The following DAG1 variants were observed in gnomAD, a reference collection of about 807,000 sequenced individuals.
The protein encoded by DAG1 is dystroglycan 1, also known as dystroglycan 1 (dystrophin-associated glycoprotein 1).
Under a neutral mutation model 46.1 loss-of-function variants are expected in DAG1, and 8 were observed. That is an observed-to-expected ratio of 0.17 (90% CI 0.10 to 0.31). The LOEUF (loss-of-function observed/expected upper bound fraction) is 0.31, where lower values mean the gene tolerates loss of function less well. Ranked by LOEUF, DAG1 falls within the 10% of genes least tolerant of loss-of-function variation. The probability of loss-of-function intolerance (pLI) is 1.00; values close to 1 mark genes in which losing one functional copy is unlikely to be tolerated. For missense variants in DAG1, 1,003 were observed against 1,189.9 expected (o/e 0.84, Z 2.31); for synonymous variants, 495 against 481.8 (o/e 1.03, Z -0.36).
intron 1 of DAG1, chr3:49,487,110 C>T (rs1407501184): frequency 6.6e-6 from 1 of 152,214 alleles, no homozygotes; most frequent in Non-Finnish European, 1.5e-5. Context: ...TGATCTCGAA[C>T]TCCTGGATTG....
chr3:49,498,823 C>T (rs1461376148), intron 1 of DAG1, among the ~76,000 whole-genome samples: 2 of 151,956 alleles, frequency 1.3e-5, no homozygotes, highest in Non-Finnish European at 2.9e-5. Flanking sequence ...GTTCATTCAC[C>T]TCAGCCTCCC....
chr3:49,525,725 A>T (rs1341089671), intron 2 of DAG1, among the ~76,000 whole-genome samples: 1 of 150,396 alleles, frequency 6.6e-6, no homozygotes, highest in African/African-American at 2.5e-5. Context: ...CGCCCCGCTA[A>T]TTTTTTTTAT....
chr3:49,496,027 G>A (rs2050301725), intron 1 of DAG1, among the ~76,000 whole-genome samples: 1 of 152,054 alleles, frequency 6.6e-6, no homozygotes, highest in South Asian at 2.1e-4. Context: ...TGTCTTCAGT[G>A]TCTTACCTGG....
intron 1 of DAG1, among the ~76,000 whole-genome samples, chr3:49,482,627 C>T (rs533537609): frequency 2.0e-5 from 3 of 152,212 alleles, no homozygotes; most frequent in South Asian, 2.1e-4. Context: ...TTAATTATGA[C>T]GTAGATTCTA....
intron 1 of DAG1, chr3:49,493,087 C>T (rs1189819816): frequency 6.9e-6 from 1 of 145,492 alleles, no homozygotes; most frequent in Non-Finnish European, 1.5e-5. Context: ...CTCAGTCACC[C>T]AGGCGGGAGT....
At chr3:49,495,458 T>G (rs1209600505) in intron 1 of DAG1, among the ~76,000 whole-genome samples, 1 of 152,210 alleles carries the variant, frequency 6.6e-6, no homozygotes, top group Non-Finnish European at 1.5e-5. Flanking sequence ...TGTTAATTGT[T>G]GGGCTGTCTT....
chr3:49,530,348 C>T (rs1438708919), intron 2 of DAG1, among the ~76,000 whole-genome samples: 1 of 152,114 alleles, frequency 6.6e-6, no homozygotes, highest in Non-Finnish European at 1.5e-5. Flanking sequence ...GTGACCTGAG[C>T]AAAGATGTGG....
At chr3:49,528,275 ATTTTTTTTTTTTTTTT>A (rs147292984) in intron 2 of DAG1, among the ~76,000 whole-genome samples, 7 of 66,632 alleles carry the variant, frequency 1.1e-4, no homozygotes, top group African/African-American at 4.8e-4. Flanking sequence ...AAATAGTGTG[ATTTTTTTTTTTTTTTT>A]TTTTTTTTTT....
chr3:49,533,285 C>G lies in DAG1; in HGVS notation c.*86C>G, dbSNP rs2051421040. ...CTGTGGAGACCGGTGGCCTGCAGAC[C>G]ATTGCCCACCGGGAGCCGACACCTG... On this transcript the variant is annotated 3_prime_UTR_variant, in exon 3 of 3. Coordinates refer to ENST00000308775, the MANE Select transcript of DAG1 (RefSeq NM_004393.6). 2 of 1,569,262 alleles carry G rather than the reference C, an allele frequency of 1.3e-6. No homozygotes were observed. The highest frequency in any genetic ancestry group is 1.8e-5 in the Admixed American group (1 of 56,340).
At chr3:49,474,916 A>G (rs1236215565) in intron 1 of DAG1, among the ~76,000 whole-genome samples, 1 of 149,958 alleles carries the variant, frequency 6.7e-6, no homozygotes, top group Admixed American at 6.7e-5. Flanking sequence ...GGTTCATGCC[A>G]TTCTCCTGTC....
At chr3:49,500,396 G>A (rs1559558510) in intron 1 of DAG1, among the ~76,000 whole-genome samples, 1 of 152,130 alleles carries the variant, frequency 6.6e-6, no homozygotes, top group Non-Finnish European at 1.5e-5. Context: ...TGGCAGATGC[G>A]AGCCACTTAC....
At chr3:49,490,081 C>T (rs958417353) in intron 1 of DAG1, among the ~76,000 whole-genome samples, 2 of 152,128 alleles carry the variant, frequency 1.3e-5, no homozygotes, top group African/African-American at 2.4e-5. Flanking sequence ...TGGCTGGGCG[C>T]GGTGGCTTAC....
At chr3:49,477,396 A>G (rs2049711682) in intron 1 of DAG1, among the ~76,000 whole-genome samples, 1 of 152,116 alleles carries the variant, frequency 6.6e-6, no homozygotes, top group Non-Finnish European at 1.5e-5. Flanking sequence ...GGCTCAAGCC[A>G]TCCTCCCACC....
chr3:49,491,948 A>G (rs1210572945), intron 1 of DAG1, among the ~76,000 whole-genome samples: 1 of 142,456 alleles, frequency 7.0e-6, no homozygotes, highest in Non-Finnish European at 1.5e-5. Flanking sequence ...TTTTTTTGAG[A>G]CGGAGTCTCA....
intron 1 of DAG1, among the ~76,000 whole-genome samples, chr3:49,471,422 T>C (rs2049515815): frequency 1.3e-5 from 2 of 152,234 alleles, no homozygotes; most frequent in African/African-American, 4.8e-5. Context: ...CTTAGTTAAG[T>C]TCAGAGACAT....
intron 1 of DAG1, among the ~76,000 whole-genome samples, chr3:49,478,422 C>T (rs2049750739): frequency 1.8e-5 from 2 of 113,804 alleles, no homozygotes; most frequent in African/African-American, 3.2e-5. Context: ...AAGAGAGACC[C>T]TGTCTCTACA....
At chr3:49,479,335 A>T (rs888396395) in intron 1 of DAG1, among the ~76,000 whole-genome samples, 3 of 147,592 alleles carry the variant, frequency 2.0e-5, no homozygotes, top group Non-Finnish European at 4.5e-5. Context: ...TTTGAGACAG[A>T]GTCTCTCTCT....
In DAG1 at chr3:49,531,551, T is replaced by C. The variant is rs1008980041; in HGVS notation, c.1040T>C (p.Ile347Thr). Reference protein sequence around the residue: ...RIVPTPTSPAIAPPTETMAPP... With the variant: ...RIVPTPTSPATAPPTETMAPP... ...GTGCCAACCCCCACATCTCCAGCCA[T>C]TGCTCCTCCAACAGAGACCATGGCT... Residue 347 changes from isoleucine to threonine, a missense_variant, in exon 3 of 3, where the codon ATT (isoleucine) becomes ACT (threonine). By Grantham distance (89) the Ile-to-Thr change is moderately conservative. Coordinates refer to ENST00000308775, the MANE Select transcript of DAG1 (RefSeq NM_004393.6). The surrounding 1 kb of genome is among the most constrained non-coding windows in gnomAD (Gnocchi z 7.0). 1 of 1,610,702 alleles carries C rather than the reference T, an allele frequency of 6.2e-7. No homozygotes were observed. The highest frequency in any genetic ancestry group is 1.7e-5 in the Admixed American group (1 of 59,948).
In DAG1 at chr3:49,531,882, G is replaced by C; in HGVS notation, c.1371G>C (p.Arg457=). The change falls in exon 3 of 3, where the codon CGG becomes CGC. Residue 457 remains arginine, a synonymous_variant. Transcript: ENST00000308775. The surrounding 1 kb of genome is among the most constrained non-coding windows in gnomAD (Gnocchi z 7.0). The stretch of plus-strand genomic sequence containing the variant: ...CAACCAAGAAACCACGGACACCCCG[G>C]CCAGTGCCCCGGGTCACCACCAAAG... The part of the protein sequence containing the change: ...RRPTKKPRTP[R]PVPRVTTKVS... The C allele has an allele frequency of 6.2e-7, 1 of 1,613,986 alleles. No homozygotes were observed. Among genetic ancestry groups the C allele is most frequent in the Non-Finnish European group, 8.5e-7 (1 of 1,180,032 alleles).
Sources: gnomAD v4.1 joint callset for allele counts (sites outside exome capture counted in the v4.1 genomes callset) on GRCh38, gnomAD v4.1.1 for gene constraint, Gnocchi (gnomAD v3.1) non-coding constraint, MANE v1.5 for transcripts, NCBI Gene and HGNC (gene_info 2026-07-23, HGNC 2026-07-21) for gene names.